Variants in NIPSNAP3B observed in about 807,000 individuals in gnomAD.
The protein encoded by NIPSNAP3B is nipsnap homolog 3B.
NIPSNAP3B carries 30 observed loss-of-function variants against 31.5 expected under a neutral mutation model. The observed-to-expected ratio is 0.95, with a 90% confidence interval of 0.71 to 1.29. The LOEUF (loss-of-function observed/expected upper bound fraction) is 1.29. Ranked by LOEUF, NIPSNAP3B falls within the 50% of genes most tolerant of loss-of-function variation. The probability of loss-of-function intolerance (pLI) is 0.00; values close to 1 mark genes in which losing one functional copy is unlikely to be tolerated. For synonymous variants in NIPSNAP3B, 106 were observed against 107.9 expected (o/e 0.98, Z 0.11); for missense variants, 269 against 300.7 (o/e 0.89, Z 0.78).
chr9:104,767,046 G>A (rs1828103368), intron 2 of NIPSNAP3B, among the ~76,000 whole-genome samples: 1 of 147,674 alleles, frequency 6.8e-6, no homozygotes, highest in Admixed American at 7.0e-5. Flanking sequence ...GGGTAAAGGA[G>A]TGTCATTAGG....
chr9:104,773,217 G>A lies in NIPSNAP3B; in HGVS notation c.*144G>A. ...AATTTGCTGTGCTTCTTGCATTTTT[G>A]AAAGTTACATATTCTCCACTGCTTT... On this transcript the variant is annotated 3_prime_UTR_variant, in exon 6 of 6. Coordinates refer to ENST00000374762, the MANE Select transcript of NIPSNAP3B (RefSeq NM_018376.4). 2 of 751,394 alleles carry A rather than the reference G, an allele frequency of 2.7e-6. No homozygotes were observed. Among genetic ancestry groups the A allele is most frequent in the Non-Finnish European group, 4.3e-6 (2 of 463,534 alleles). The allele number at this position is 751,394 out of a possible 1,614,324, so 46.5% of individuals were successfully genotyped here.
chr9:104,767,956 A>T (rs971065115), intron 2 of NIPSNAP3B, among the ~76,000 whole-genome samples: 1 of 152,166 alleles, frequency 6.6e-6, no homozygotes, highest in Non-Finnish European at 1.5e-5. Flanking sequence ...CAAGTCCATT[A>T]TATGAAACAG....
At chr9:104,778,653 C>T (rs1264992687), downstream of NIPSNAP3B, among the ~76,000 whole-genome samples, 2 of 152,224 alleles carry the variant, frequency 1.3e-5, no homozygotes, top group East Asian at 3.9e-4. Context: ...TGCTAGCTCT[C>T]TTTCCCTCAG....
chr9:104,765,291 C>T (rs1056708534), intron 1 of NIPSNAP3B, among the ~76,000 whole-genome samples: 4 of 152,310 alleles, frequency 2.6e-5, no homozygotes, highest in Admixed American at 1.3e-4. Context: ...CCTACTGAAA[C>T]TGTTGCGATA....
chr9:104,772,760 T>C, intron 4 of NIPSNAP3B, 62 bp from the exon 5 acceptor site: 1 of 1,531,646 alleles, frequency 6.5e-7, no homozygotes, highest in Non-Finnish European at 8.9e-7. Flanking sequence ...ATTCACTTTT[T>C]CAATATTTCT....
At chr9:104,788,971 T>G in the NIPSNAP3B span, among the ~76,000 whole-genome samples, 1 of 152,210 alleles carries the variant, frequency 6.6e-6, no homozygotes, top group African/African-American at 2.4e-5. Flanking sequence ...CCAGAAATTT[T>G]GAGTGTGAGC....
At chr9:104,788,712 GC>G in the NIPSNAP3B span, 1 of 1,089,936 alleles carries the variant, frequency 9.2e-7, no homozygotes, top group Non-Finnish European at 1.4e-6. Flanking sequence ...CAGCCTTTCT[GC>G]CCCCAGGATG....
At chr9:104,781,942 G>T (rs1828571020), downstream of NIPSNAP3B, 1 of 152,098 alleles carries the variant, frequency 6.6e-6, no homozygotes, top group Non-Finnish European at 1.5e-5. Context: ...TATTAATGAA[G>T]ATGTATAACT....
At chr9:104,764,401 TG>T in intron 1 of NIPSNAP3B, 101 bp downstream of exon 1, 1 of 1,052,400 alleles carries the variant, frequency 9.5e-7, no homozygotes, top group Non-Finnish European at 1.3e-6. Context: ...CTCCCAGACC[TG>T]GGGCCCCGCG....
chr9:104,784,944 A>G, the NIPSNAP3B span, among the ~76,000 whole-genome samples: 11 of 152,222 alleles, frequency 7.2e-5, no homozygotes, highest in East Asian at 7.7e-4. Context: ...ACGCCCGGCC[A>G]AAAACTGACT....
At chr9:104,781,891 C>T (rs903294823), downstream of NIPSNAP3B, 4 of 152,152 alleles carry the variant, frequency 2.6e-5, no homozygotes, top group African/African-American at 4.8e-5. Flanking sequence ...TAGGTTTACA[C>T]AGGAAAATGT....
At chr9:104,782,649 T>A (rs1272298646), downstream of NIPSNAP3B, 1 of 152,146 alleles carries the variant, frequency 6.6e-6, no homozygotes, top group Admixed American at 6.6e-5. Context: ...GACTAGTGAT[T>A]GAAGAGATGA....
At chr9:104,767,667 A>T (rs1293066139) in intron 2 of NIPSNAP3B, among the ~76,000 whole-genome samples, 1 of 152,166 alleles carries the variant, frequency 6.6e-6, no homozygotes, top group East Asian at 1.9e-4. Context: ...TAAAGTGTTT[A>T]TAATTCATTT....
downstream of NIPSNAP3B, among the ~76,000 whole-genome samples, chr9:104,780,640 A>C (rs1828471831): frequency 6.6e-6 from 1 of 152,176 alleles, no homozygotes; most frequent in South Asian, 2.1e-4. Context: ...TTTTTGGTTG[A>C]ATAAACAAAA....
At chr9:104,785,437 G>A in the NIPSNAP3B span, 1 of 1,614,068 alleles carries the variant, frequency 6.2e-7, no homozygotes, top group Non-Finnish European at 8.5e-7. Flanking sequence ...TCTTCTATGT[G>A]GAGTCGCTTT....
intron 3 of NIPSNAP3B, among the ~76,000 whole-genome samples, chr9:104,770,242 T>C (rs994154856): frequency 2.0e-5 from 3 of 152,172 alleles, no homozygotes; most frequent in Non-Finnish European, 4.4e-5. Flanking sequence ...TCTCCACCCA[T>C]CTTATACTTC....
At chr9:104,777,884 C>T (rs1828369779), downstream of NIPSNAP3B, among the ~76,000 whole-genome samples, 1 of 152,212 alleles carries the variant, frequency 6.6e-6, no homozygotes, top group Non-Finnish European at 1.5e-5. Flanking sequence ...GGTCTGCATC[C>T]TTGTCATGCT....
chr9:104,766,417 G>C lies in NIPSNAP3B; in HGVS notation c.153G>C (p.Ala51=). Reference sequence around the variant, plus strand: ...ACCTTAAACCTTCAAATATGAATGCGTTCATGGAAAATCTTAAGAAAAACA... The same window carrying C: ...ACCTTAAACCTTCAAATATGAATGCCTTCATGGAAAATCTTAAGAAAAACA... The part of the protein sequence containing the change: ...TYYLKPSNMN[A]FMENLKKNIH... The change falls in exon 2 of 6, where the codon GCG becomes GCC. Residue 51 remains alanine (A), a synonymous_variant. Coordinates refer to ENST00000374762, the MANE Select transcript of NIPSNAP3B (RefSeq NM_018376.4). The C allele has an allele frequency of 6.2e-7, 1 of 1,613,704 alleles. No individual in the cohort carries two copies. Among genetic ancestry groups the C allele is most frequent in the Non-Finnish European group, 8.5e-7 (1 of 1,179,720 alleles).
downstream of NIPSNAP3B, chr9:104,782,516 TA>T (rs1164875541): frequency 2.0e-5 from 3 of 152,156 alleles, no homozygotes; most frequent in Non-Finnish European, 4.4e-5. Context: ...TCAAGACAGT[TA>T]ACAGTAAGTA....
Sources: gnomAD v4.1 joint callset for allele counts (sites outside exome capture counted in the v4.1 genomes callset) on GRCh38, gnomAD v4.1.1 for gene constraint, MANE v1.5 for transcripts, NCBI Gene and HGNC (gene_info 2026-07-23, HGNC 2026-07-21) for gene names.